The following CDH13 variants were observed in gnomAD, a reference collection of about 807,000 sequenced individuals.
The protein encoded by CDH13 is cadherin 13, also known as cadherin-13.
A neutral mutation model predicts 63.8 loss-of-function variants in CDH13; 24 were observed. That is an observed-to-expected ratio of 0.38 (90% CI 0.27 to 0.53). The LOEUF (loss-of-function observed/expected upper bound fraction) is 0.53. CDH13 is among the 20% of genes least tolerant of loss of function. CDH13 has a pLI of 0.85. For synonymous variants in CDH13, 503 were observed against 355.3 expected (o/e 1.42, Z -4.67); for missense variants, 1,049 against 903.1 (o/e 1.16, Z -2.07).
intron 7 of CDH13, among the ~76,000 whole-genome samples, chr16:83,591,533 C>G (rs1906751416): frequency 1.3e-5 from 2 of 152,128 alleles, no homozygotes; most frequent in African/African-American, 4.8e-5. Flanking sequence ...GAACTTGTGT[C>G]TCTTCACCTC....
intron 6 of CDH13, among the ~76,000 whole-genome samples, chr16:83,482,828 G>C (rs2073802919): frequency 6.6e-6 from 1 of 152,196 alleles, no homozygotes; most frequent in Admixed American, 6.5e-5. Context: ...GGCAGGGTGG[G>C]AGAAGGGACC....
intron 4 of CDH13, among the ~76,000 whole-genome samples, chr16:83,141,628 C>A (rs976425142): frequency 6.6e-6 from 1 of 152,094 alleles, no homozygotes; most frequent in Non-Finnish European, 1.5e-5. Flanking sequence ...TTTTAAGCCC[C>A]GTGTGCATTA....
At chr16:83,348,015 C>A (rs1168445530) in intron 6 of CDH13, among the ~76,000 whole-genome samples, 4 of 152,026 alleles carry the variant, frequency 2.6e-5, no homozygotes, top group Non-Finnish European at 5.9e-5. Context: ...TGTGGTGAAA[C>A]CCCATTGCTA....
intron 10 of CDH13, among the ~76,000 whole-genome samples, chr16:83,681,694 A>G (rs1915420713): frequency 1.3e-5 from 2 of 152,220 alleles, no homozygotes; most frequent in South Asian, 2.1e-4. Flanking sequence ...CTCTTTGGGA[A>G]AAAGAGGCTC....
At chr16:82,929,721 C>T (rs2042423596) in intron 2 of CDH13, among the ~76,000 whole-genome samples, 1 of 139,234 alleles carries the variant, frequency 7.2e-6, no homozygotes, top group Non-Finnish European at 1.5e-5. Flanking sequence ...GAAGCCCTCA[C>T]AGACACCAAA....
chr16:83,727,598 T>C (rs1048287961), intron 10 of CDH13, among the ~76,000 whole-genome samples: 1 of 152,068 alleles, frequency 6.6e-6, no homozygotes, highest in African/African-American at 2.4e-5. Flanking sequence ...TCAGTTTTAC[T>C]AAATGAAATA....
chr16:82,842,113 TATATATATATATATATATATATATACAC>T (rs2039042063), intron 1 of CDH13, among the ~76,000 whole-genome samples: 1 of 39,442 alleles, frequency 2.5e-5, no homozygotes, highest in African/African-American at 9.7e-5. Context: ...TATATATATG[TATATATATATATATATATATATATACAC>T]ATATATATAT....
intron 5 of CDH13, among the ~76,000 whole-genome samples, chr16:83,292,712 A>G (rs1242841473): frequency 2.0e-5 from 3 of 152,170 alleles, no homozygotes; most frequent in Non-Finnish European, 4.4e-5. Context: ...AACAACAACC[A>G]TGATCAGGTG....
intron 1 of CDH13, among the ~76,000 whole-genome samples, chr16:82,776,522 GTAT>G (rs1220171126): frequency 2.6e-5 from 4 of 152,176 alleles, no homozygotes; most frequent in Admixed American, 6.5e-5. Context: ...ATACCGGCAA[GTAT>G]TATAATGTGC....
chr16:83,209,974 C>T (rs767400989), intron 4 of CDH13, among the ~76,000 whole-genome samples: 4 of 152,082 alleles, frequency 2.6e-5, no homozygotes, highest in African/African-American at 9.7e-5. Flanking sequence ...GTTGTGGCTT[C>T]GGACTGGAGA....
At chr16:83,649,076 T>C (rs1912115023) in intron 8 of CDH13, among the ~76,000 whole-genome samples, 1 of 152,252 alleles carries the variant, frequency 6.6e-6, no homozygotes, top group Non-Finnish European at 1.5e-5. Flanking sequence ...CTTAACTCTG[T>C]GACTATTCCT....
chr16:83,535,292 G>A (rs2075162066), intron 7 of CDH13, among the ~76,000 whole-genome samples: 1 of 152,184 alleles, frequency 6.6e-6, no homozygotes, highest in South Asian at 2.1e-4. Flanking sequence ...TAAGGACTTG[G>A]GTCAGCATCC....
At chr16:83,317,684 C>G (rs2090135826) in intron 5 of CDH13, among the ~76,000 whole-genome samples, 1 of 152,008 alleles carries the variant, frequency 6.6e-6, no homozygotes, top group African/African-American at 2.4e-5. Context: ...CCTGTAATCC[C>G]AGATACTTGG....
At chr16:83,300,741 G>T (rs1027069255) in intron 5 of CDH13, among the ~76,000 whole-genome samples, 1 of 152,182 alleles carries the variant, frequency 6.6e-6, no homozygotes, top group African/African-American at 2.4e-5. Context: ...AAAGGTTATA[G>T]ATCATGATTT....
At chr16:83,065,795 C>G (rs1029585063) in intron 3 of CDH13, among the ~76,000 whole-genome samples, 5 of 151,802 alleles carry the variant, frequency 3.3e-5, no homozygotes, top group African/African-American at 1.2e-4. Flanking sequence ...TTCCTGCACT[C>G]TCTTCCTACT....
At chr16:83,768,386 C>T (rs1387776633) in intron 11 of CDH13, among the ~76,000 whole-genome samples, 1 of 152,106 alleles carries the variant, frequency 6.6e-6, no homozygotes, top group Non-Finnish European at 1.5e-5. Context: ...AAATTGTAAT[C>T]GCAATAGGTT....
chr16:83,047,205 C>G lies in CDH13; in HGVS notation c.366+14987C>G, dbSNP rs1917873475. ...GCAGACTTTATCTGAAGACCACCTC[C>G]TGCCCCTCACTCTTACTCCAGAGGC... On this transcript the variant is annotated intron_variant, in intron 3 of 13. Transcript: ENST00000567109. The surrounding 1 kb of genome is among the most constrained non-coding windows in gnomAD (Gnocchi z 4.9). Among the ~76,000 whole-genome samples the G allele has an allele frequency of 6.6e-6, 1 of 152,146 alleles. No homozygotes were observed. Among genetic ancestry groups the G allele is most frequent in the Non-Finnish European group, 1.5e-5 (1 of 68,032 alleles).
At chr16:82,689,982 TAAAAAAAAA>T (rs71146085) in intron 1 of CDH13, among the ~76,000 whole-genome samples, 16 of 15,776 alleles carry the variant, frequency 1.0e-3, no homozygotes, top group East Asian at 4.4e-3. Context: ...CCATCTCTAC[TAAAAAAAAA>T]AAAAAAAAAA....
chr16:83,516,171 G>C (rs1478054831), intron 7 of CDH13, among the ~76,000 whole-genome samples: 1 of 152,190 alleles, frequency 6.6e-6, no homozygotes, highest in Non-Finnish European at 1.5e-5. Context: ...AGCTCAGGGG[G>C]GTTGTAGAAA....
Sources: allele counts gnomAD v4.1 joint callset (sites outside exome capture counted in the v4.1 genomes callset), GRCh38; gene constraint gnomAD v4.1.1; non-coding constraint Gnocchi (gnomAD v3.1); transcripts MANE v1.5; gene names NCBI Gene and HGNC (gene_info 2026-07-23, HGNC 2026-07-21).